KLF7: variants seen among roughly 807,000 people sequenced by gnomAD.
The protein encoded by KLF7 is KLF transcription factor 7, also known as Krueppel-like factor 7.
In KLF7, 2 loss-of-function variants were observed where a neutral mutation model predicts 27.3. The ratio of observed to expected loss-of-function variants is 0.07; its 90% confidence interval spans 0.03 to 0.23. The LOEUF (loss-of-function observed/expected upper bound fraction) is 0.23. Among genes scored for constraint, KLF7 ranks in the 10% least tolerant of loss-of-function variants. The pLI, the probability that KLF7 is intolerant of heterozygous loss-of-function variation, is 1.00. For synonymous variants in KLF7, 165 were observed against 162.4 expected, an observed-to-expected ratio of 1.02 and a Z score of -0.12; for missense variants, 221 against 394.1, an observed-to-expected ratio of 0.56 and a Z score of 3.72.
Position 207,081,049 on chromosome 2 carries a change from G to T in KLF7, c.*164C>A. ...ACAGTGTGTATGTGTGTGGGTCTGT[G>T]AGTGTGTGTATATGTGTGTGTGTGT... On this transcript the variant is annotated 3_prime_UTR_variant, in exon 4 of 4. Transcript: ENST00000309446. 1.5e-6 allele frequency: 1 copy of T among 662,066 alleles called. No individual in the cohort carries two copies. The highest frequency in any genetic ancestry group is 1.7e-5 in the South Asian group (1 of 57,846). 41.0% of individuals were successfully genotyped at this position (662,066 alleles called of 1,614,324 possible). A position where few individuals can be genotyped will look rare whatever the true frequency, so the allele number is the denominator to read the frequency against.
At chr2:207,163,570 G>A (rs994544442) in intron 1 of KLF7, among the ~76,000 whole-genome samples, 6 of 152,212 alleles carry the variant, frequency 3.9e-5, no homozygotes, top group Admixed American at 3.3e-4. Flanking sequence ...TTCCTGTGAA[G>A]AGACCTTCCT....
chr2:207,101,306 G>A (rs2076759592), intron 2 of KLF7, among the ~76,000 whole-genome samples: 2 of 152,336 alleles, frequency 1.3e-5, no homozygotes, highest in South Asian at 2.1e-4. Flanking sequence ...TCCCAGTTAG[G>A]AAAGCACCAT....
chr2:207,115,734 C>A (rs535779360), intron 2 of KLF7, among the ~76,000 whole-genome samples: 8 of 149,366 alleles, frequency 5.4e-5, no homozygotes, highest in Admixed American at 2.0e-4. Context: ...CCAACACTCC[C>A]CCATCATGTC....
intron 2 of KLF7, among the ~76,000 whole-genome samples, chr2:207,110,327 C>T (rs1418053307): frequency 1.3e-5 from 2 of 152,354 alleles, no homozygotes; most frequent in African/African-American, 4.8e-5. Flanking sequence ...TACAGTTTTA[C>T]CAATAAAAGT....
At chr2:207,092,576 C>T (rs2076536593) in intron 2 of KLF7, among the ~76,000 whole-genome samples, 1 of 152,174 alleles carries the variant, frequency 6.6e-6, no homozygotes, top group African/African-American at 2.4e-5. Context: ...GCTTGAGAAA[C>T]AGGACTGACA....
intron 2 of KLF7, among the ~76,000 whole-genome samples, chr2:207,099,384 C>A (rs1305263469): frequency 6.6e-6 from 1 of 151,722 alleles, no homozygotes; most frequent in Non-Finnish European, 1.5e-5. Flanking sequence ...CTTATCAGAT[C>A]AGGGACCCAT....
chr2:207,130,991 C>A (rs755872456), intron 1 of KLF7, among the ~76,000 whole-genome samples: 1 of 152,178 alleles, frequency 6.6e-6, no homozygotes, highest in South Asian at 2.1e-4. Context: ...AGCCAGCTGC[C>A]CTTAATCTCA....
chr2:207,108,894 C>A (rs2076954006), intron 2 of KLF7, among the ~76,000 whole-genome samples: 2 of 152,222 alleles, frequency 1.3e-5, no homozygotes, highest in African/African-American at 4.8e-5. Flanking sequence ...ATTTCTTCAA[C>A]CTCACCTAGC....
intron 1 of KLF7, among the ~76,000 whole-genome samples, chr2:207,127,563 C>T (rs907927546): frequency 3.3e-5 from 5 of 152,056 alleles, no homozygotes; most frequent in Admixed American, 2.0e-4. Flanking sequence ...CATGACAGGC[C>T]GGGTGCAGTG....
chr2:207,166,815 G>A (rs1055553457), upstream of KLF7: 2 of 1,012,148 alleles, frequency 2.0e-6, no homozygotes, highest in Non-Finnish European at 2.4e-6. Flanking sequence ...CGGGCTGCCA[G>A]GGTGCAGAGA....
intron 1 of KLF7, among the ~76,000 whole-genome samples, chr2:207,143,808 C>G (rs1327606936): frequency 6.6e-6 from 1 of 152,156 alleles, no homozygotes; most frequent in Non-Finnish European, 1.5e-5. Context: ...AAATCCAGCC[C>G]TGGTCTGAAG....
chr2:207,170,546 T>C (rs777723103), upstream of KLF7, among the ~76,000 whole-genome samples: 4 of 152,172 alleles, frequency 2.6e-5, no homozygotes, highest in Non-Finnish European at 1.5e-5. Flanking sequence ...AAGAAAGCAA[T>C]GTCTGGCTTC....
At chr2:207,112,073 C>T (rs2077052834) in intron 2 of KLF7, among the ~76,000 whole-genome samples, 1 of 151,666 alleles carries the variant, frequency 6.6e-6, no homozygotes, top group African/African-American at 2.4e-5. Flanking sequence ...AACCACCTCC[C>T]TCTCAAAGTC....
At chr2:207,115,363 G>A (rs549728876) in intron 2 of KLF7, among the ~76,000 whole-genome samples, 1 of 152,268 alleles carries the variant, frequency 6.6e-6, no homozygotes, top group East Asian at 1.9e-4. Context: ...AGAAGGTAGG[G>A]TGAACAGAAA....
At chr2:207,156,249 C>T (rs146749193) in intron 1 of KLF7, among the ~76,000 whole-genome samples, 88 of 152,320 alleles carry the variant, frequency 5.8e-4, no homozygotes, top group African/African-American at 1.9e-3. Flanking sequence ...GATCACCACA[C>T]GCCCACAGTC....
intron 1 of KLF7, chr2:207,148,858 C>CT: frequency 3.5e-6 from 1 of 287,914 alleles, no homozygotes; most frequent in Non-Finnish European, 5.7e-6. Context: ...CTCCTGCTCT[C>CT]TGACTTTTCC....
At chr2:207,152,229 T>C (rs930057492) in intron 1 of KLF7, among the ~76,000 whole-genome samples, 3 of 149,326 alleles carry the variant, frequency 2.0e-5, no homozygotes, top group Non-Finnish European at 4.5e-5. Flanking sequence ...AACATGCTTC[T>C]ATGTCAGACT....
chr2:207,168,566 T>A (rs1387808870), upstream of KLF7, among the ~76,000 whole-genome samples: 1 of 152,146 alleles, frequency 6.6e-6, no homozygotes, highest in African/African-American at 2.4e-5. Context: ...TCAGTGTGTG[T>A]TTACAAAAAT....
At chr2:207,133,318 A>G (rs1451551339) in intron 1 of KLF7, among the ~76,000 whole-genome samples, 1 of 152,144 alleles carries the variant, frequency 6.6e-6, no homozygotes, top group Non-Finnish European at 1.5e-5. Flanking sequence ...AAATAATCCT[A>G]CCCATACTAC....
Sources: gnomAD v4.1 joint callset for allele counts (sites outside exome capture counted in the v4.1 genomes callset) on GRCh38, gnomAD v4.1.1 for gene constraint, MANE v1.5 for transcripts, NCBI Gene and HGNC (gene_info 2026-07-23, HGNC 2026-07-21) for gene names.